The following DOCK1 variants were observed in gnomAD, a reference collection of about 807,000 sequenced individuals.
DOCK1 encodes dedicator of cytokinesis 1.
A neutral mutation model predicts 262.7 loss-of-function variants in DOCK1; 138 were observed. The observed-to-expected ratio is 0.53, with a 90% CI of 0.46 to 0.61. The LOEUF is 0.61. DOCK1 is among the 20% of genes least tolerant of loss of function. The pLI, the probability that DOCK1 is intolerant of heterozygous loss-of-function variation, is 0.00. For missense variants in DOCK1, 1,908 were observed against 2,370.7 expected, an observed-to-expected ratio of 0.80 and a Z score of 4.05; for synonymous variants, 866 against 867.4, an observed-to-expected ratio of 1.00 and a Z score of 0.03.
At position 127,243,372 on chromosome 10, in the gene DOCK1, C is replaced by T. The variant is rs1019253780; in HGVS notation, c.2848-4636C>T. The stretch of plus-strand genomic sequence containing the variant: ...GCAATGACATCCTGCATTCAACTTG[C>T]CTGTCACTGAATGTCCCCCTGCTCC... On this transcript the variant is annotated intron_variant, in intron 27 of 51. Coordinates refer to ENST00000623213, the MANE Select transcript of DOCK1 (RefSeq NM_001290223.2). 1.4e-4 allele frequency among the ~76,000 whole-genome samples: 21 copies of T among 152,116 alleles called. No individual in the cohort carries two copies. In the East Asian group the frequency reaches 4.1e-3, roughly 29 times the overall value.
At chr10:127,279,004 C>G (rs2060847072) in intron 29 of DOCK1, among the ~76,000 whole-genome samples, 1 of 152,236 alleles carries the variant, frequency 6.6e-6, no homozygotes, top group African/African-American at 2.4e-5. Flanking sequence ...CATGAACAGT[C>G]TGGGTTTTCC....
intron 1 of DOCK1, among the ~76,000 whole-genome samples, chr10:126,918,475 C>T (rs2032774433): frequency 6.6e-6 from 1 of 152,220 alleles, no homozygotes. Context: ...AGCACAGTTT[C>T]TCAGTCCCTG....
chr10:127,173,621 CTT>C (rs2054789077), intron 27 of DOCK1, among the ~76,000 whole-genome samples: 1 of 152,146 alleles, frequency 6.6e-6, no homozygotes, highest in African/African-American at 2.4e-5. Context: ...GCATCTTTCT[CTT>C]TTGCTGTCTG....
chr10:126,996,688 C>T, intron 6 of DOCK1, 60 bp from the exon 7 acceptor site: 1 of 1,489,456 alleles, frequency 6.7e-7, no homozygotes, highest in Non-Finnish European at 8.9e-7. Flanking sequence ...GGAAGTTGTG[C>T]TAGAAAATTC....
chr10:127,175,618 C>T lies in DOCK1; in HGVS notation c.2847+47854C>T. ...GGCTCGGGGGCCCTGGCACTGAGGGCAGGTGCGTAAACGGTGGCAACCTCC... is the reference window on the plus strand; with the variant it reads ...GGCTCGGGGGCCCTGGCACTGAGGGTAGGTGCGTAAACGGTGGCAACCTCC... On this transcript the variant is annotated intron_variant, in intron 27 of 51. Transcript: ENST00000623213. The surrounding 1 kb of genome is among the most constrained non-coding windows in gnomAD (Gnocchi z 6.3). 1 of 1,613,004 alleles carries T rather than the reference C, an allele frequency of 6.2e-7. No homozygotes were observed. The highest frequency in any genetic ancestry group is 8.5e-7 in the Non-Finnish European group (1 of 1,179,944).
intron 27 of DOCK1, among the ~76,000 whole-genome samples, chr10:127,197,618 C>T (rs2057266052): frequency 6.6e-6 from 1 of 152,104 alleles, no homozygotes; most frequent in East Asian, 1.9e-4. Context: ...GGACAGGCTT[C>T]GGAGAGGAAA....
At chr10:127,356,745 C>T (rs1442004791) in intron 32 of DOCK1, among the ~76,000 whole-genome samples, 2 of 152,178 alleles carry the variant, frequency 1.3e-5, no homozygotes, top group African/African-American at 2.4e-5. Context: ...ATGAGCTCCA[C>T]CTGCCACAGT....
chr10:127,000,554 C>G, intron 10 of DOCK1: 1 of 466,844 alleles, frequency 2.1e-6, no homozygotes, highest in African/African-American at 1.9e-5. Flanking sequence ...TCCCATCTTT[C>G]CCTGGGAGTG....
At chr10:126,942,746 G>T (rs897208361) in intron 1 of DOCK1, among the ~76,000 whole-genome samples, 2 of 152,108 alleles carry the variant, frequency 1.3e-5, no homozygotes, top group African/African-American at 2.4e-5. Flanking sequence ...GATCTGTCCT[G>T]TTGGGAAGCT....
At chr10:126,949,968 G>A (rs1424459670) in intron 1 of DOCK1, among the ~76,000 whole-genome samples, 2 of 152,066 alleles carry the variant, frequency 1.3e-5, no homozygotes, top group East Asian at 3.9e-4. Flanking sequence ...CAGAAGCTGG[G>A]TCAGAAACAT....
intron 12 of DOCK1, among the ~76,000 whole-genome samples, chr10:127,014,500 G>T (rs1207426822): frequency 6.6e-6 from 1 of 152,236 alleles, no homozygotes; most frequent in African/African-American, 2.4e-5. Context: ...TGAGAAAGGT[G>T]TTTGAAACAC....
At chr10:126,908,866 G>T (rs1019598641) in intron 1 of DOCK1, among the ~76,000 whole-genome samples, 12 of 152,134 alleles carry the variant, frequency 7.9e-5, no homozygotes, top group Non-Finnish European at 1.6e-4. Flanking sequence ...CATGGATCCT[G>T]TTCCTAAGAT....
chr10:127,347,180 G>A (rs534662028), intron 31 of DOCK1, among the ~76,000 whole-genome samples: 38 of 152,246 alleles, frequency 2.5e-4, no homozygotes, highest in Middle Eastern at 3.2e-3. Context: ...GGCACATACA[G>A]TGCCTAGAAA....
intron 1 of DOCK1, among the ~76,000 whole-genome samples, chr10:126,948,951 G>A (rs2035903931): frequency 6.6e-6 from 1 of 152,128 alleles, no homozygotes; most frequent in South Asian, 2.1e-4. Context: ...CGCAAGCTGG[G>A]CTTTCAGAAT....
chr10:127,450,304 T>G (rs536443027), intron 51 of DOCK1, among the ~76,000 whole-genome samples: 1 of 152,302 alleles, frequency 6.6e-6, no homozygotes, highest in African/African-American at 2.4e-5. Flanking sequence ...TGAAAACCTC[T>G]TTTCTCACAT....
At chr10:126,979,550 C>A (rs1375352303) in intron 3 of DOCK1, among the ~76,000 whole-genome samples, 1 of 152,142 alleles carries the variant, frequency 6.6e-6, no homozygotes, top group East Asian at 1.9e-4. Flanking sequence ...TTGAATCTTA[C>A]TTGGTATTTG....
Position 127,335,994 on chromosome 10 carries a change from G to T in DOCK1, c.3045-3012G>T, listed in dbSNP as rs963097091. Among the ~76,000 whole-genome samples, 7 of 151,982 alleles carry T rather than the reference G, an allele frequency of 4.6e-5. No individual in the cohort carries two copies. In the South Asian group the frequency reaches 1.0e-3, roughly 23 times the overall value. ...GCCTCCCAAAGTGCTGGGATTACAG[G>T]TGTGAGCCACCATGCCCAGCCTGTA... is the stretch of plus-strand genomic sequence containing the variant. On this transcript the variant is annotated intron_variant, in intron 29 of 51. Transcript: ENST00000623213.
chr10:126,911,347 G>A (rs1276294361), intron 1 of DOCK1, among the ~76,000 whole-genome samples: 1 of 152,190 alleles, frequency 6.6e-6, no homozygotes, highest in Non-Finnish European at 1.5e-5. Flanking sequence ...CCCACCCAGG[G>A]GGTGCTGGTG....
chr10:127,163,385 C>G (rs1298263251), intron 27 of DOCK1, among the ~76,000 whole-genome samples: 1 of 152,102 alleles, frequency 6.6e-6, no homozygotes, highest in African/African-American at 2.4e-5. Flanking sequence ...ATTTCGCTTT[C>G]CCTGTCTCCC....
Sources: allele counts gnomAD v4.1 joint callset (sites outside exome capture counted in the v4.1 genomes callset), GRCh38; gene constraint gnomAD v4.1.1; non-coding constraint Gnocchi (gnomAD v3.1); transcripts MANE v1.5; gene names NCBI Gene and HGNC (gene_info 2026-07-23, HGNC 2026-07-21).